Variants in BAZ2B observed in about 807,000 individuals in gnomAD.
BAZ2B encodes the protein bromodomain adjacent to zinc finger domain protein 2B.
Under a neutral mutation model 246.0 loss-of-function variants are expected in BAZ2B, and 91 were observed. That is an observed-to-expected ratio of 0.37 (90% confidence interval 0.31 to 0.44). The LOEUF (loss-of-function observed/expected upper bound fraction) is 0.44. BAZ2B is among the 20% of genes least tolerant of loss of function. BAZ2B has a pLI of 1.00. For missense variants in BAZ2B, 2,332 were observed against 2,533.7 expected, an observed-to-expected ratio of 0.92 and a Z score of 1.71; for synonymous variants, 855 against 860.0, an observed-to-expected ratio of 0.99 and a Z score of 0.10.
In BAZ2B at chr2:159,350,147, A is replaced by C. The variant is rs1319391229; in HGVS notation, c.4424T>G (p.Val1475Gly). ...CTCTGACTCAGGAGGCATCTTAGCT[A>C]CTTCCAAAAGCTTGCTTAATTTGGA... Reference protein sequence around the residue: ...SFSKLSKLLEVAKMPPESEVM... With the variant: ...SFSKLSKLLEGAKMPPESEVM... The change falls in exon 28 of 37, where the codon GTA becomes GGA. Residue 1475 changes from valine (V) to glycine (G), a missense_variant. Val to Gly is a moderately radical substitution (Grantham distance 109). Coordinates refer to ENST00000392783, the MANE Select transcript of BAZ2B (RefSeq NM_013450.4). 1.2e-6 allele frequency: 2 copies of C among 1,614,066 alleles called. No homozygotes were observed. Among genetic ancestry groups the C allele is most frequent in the Admixed American group, 3.3e-5 (2 of 59,964 alleles).
At chr2:159,582,730 GCT>G (rs1687129748) in intron 1 of BAZ2B, among the ~76,000 whole-genome samples, 3 of 152,102 alleles carry the variant, frequency 2.0e-5, no homozygotes, top group Admixed American at 2.0e-4. Flanking sequence ...AAATCTATTG[GCT>G]CTTTTATAAA....
the BAZ2B span, chr2:159,690,028 G>T: frequency 7.2e-6 from 3 of 417,598 alleles, no homozygotes; most frequent in South Asian, 9.9e-5. Context: ...TGACATGGAA[G>T]TTGGGCAGTT....
chr2:159,509,832 C>T (rs910265442), intron 2 of BAZ2B, among the ~76,000 whole-genome samples: 1 of 151,730 alleles, frequency 6.6e-6, no homozygotes, highest in Non-Finnish European at 1.5e-5. Context: ...GATATGTATA[C>T]ACAAATATAT....
intron 1 of BAZ2B, among the ~76,000 whole-genome samples, chr2:159,587,753 T>A (rs1343872518): frequency 6.6e-6 from 1 of 152,180 alleles, no homozygotes; most frequent in Admixed American, 6.5e-5. Flanking sequence ...ATGACTGTTT[T>A]CCCCTACTAG....
chr2:159,437,390 G>A (rs2072560599), intron 8 of BAZ2B: 3 of 142,748 alleles, frequency 2.1e-5, no homozygotes, highest in Non-Finnish European at 3.2e-5. Context: ...AATGACAAAG[G>A]AAAATTTTTT....
chr2:159,373,525 T>C (rs1473155379), intron 26 of BAZ2B, among the ~76,000 whole-genome samples: 1 of 152,170 alleles, frequency 6.6e-6, no homozygotes, highest in Non-Finnish European at 1.5e-5. Flanking sequence ...GCTTACAGTA[T>C]ATAACAAATA....
rs571990727 is a variant in BAZ2B at position 159,395,901 on chromosome 2, AAAC to A, written c.3010-70_3010-68del. The A allele has an allele frequency of 1.9e-4, 254 of 1,328,930 alleles. 3 individuals are homozygous for A. In the South Asian group the frequency reaches 3.3e-3, roughly 17 times the overall value. 82.3% of individuals were successfully genotyped at this position (1,328,930 alleles called of 1,614,324 possible). On this transcript the variant is annotated intron_variant, in intron 19 of 36. Coordinates refer to ENST00000392783, the MANE Select transcript of BAZ2B (RefSeq NM_013450.4). ...TTAACAGTTTGATTTTCCAATGAAAAAACAAAAACAAAAACAAAACAAAAACTC... is the reference window on the plus strand; with the variant it reads ...TTAACAGTTTGATTTTCCAATGAAAAAAAAACAAAAACAAAACAAAAACTC...
chr2:159,429,126 G>A (rs967384081), intron 11 of BAZ2B, 74 bp downstream of exon 11: 15 of 988,666 alleles, frequency 1.5e-5, no homozygotes, highest in Admixed American at 1.2e-4. Context: ...TGTAGAGAAT[G>A]AGAAATCAAG....
At chr2:159,708,203 A>G in the BAZ2B span, among the ~76,000 whole-genome samples, 1 of 151,940 alleles carries the variant, frequency 6.6e-6, no homozygotes, top group Non-Finnish European at 1.5e-5. Flanking sequence ...CTGAGGCAGG[A>G]GGACAGCTTT....
At chr2:159,526,249 A>C (rs2084717229) in intron 2 of BAZ2B, among the ~76,000 whole-genome samples, 1 of 152,186 alleles carries the variant, frequency 6.6e-6, no homozygotes, top group Non-Finnish European at 1.5e-5. Flanking sequence ...AAAGTAGAGC[A>C]GAAATCTTTT....
intron 27 of BAZ2B, among the ~76,000 whole-genome samples, chr2:159,370,745 T>C (rs1176328242): frequency 1.3e-5 from 2 of 152,174 alleles, no homozygotes; most frequent in Non-Finnish European, 2.9e-5. Context: ...TTTGACTTAA[T>C]TTCATTTCAA....
intron 5 of BAZ2B, among the ~76,000 whole-genome samples, chr2:159,448,027 G>A (rs1024820398): frequency 1.3e-5 from 2 of 152,096 alleles, no homozygotes. Context: ...GGGAGGCTGA[G>A]GCAGGAGGAT....
At chr2:159,338,007 T>G (rs958366298) in intron 31 of BAZ2B, among the ~76,000 whole-genome samples, 2 of 152,224 alleles carry the variant, frequency 1.3e-5, no homozygotes, top group African/African-American at 4.8e-5. Context: ...ATAAAAGGTA[T>G]AAGAACAATC....
At chr2:159,581,413 C>T (rs530607166) in intron 1 of BAZ2B, among the ~76,000 whole-genome samples, 90 of 152,238 alleles carry the variant, frequency 5.9e-4, no homozygotes, top group Non-Finnish European at 1.1e-3. Flanking sequence ...ATTAAAAAGT[C>T]AGGAAACAAC....
At chr2:159,540,771 A>G (rs2086567854) in intron 2 of BAZ2B, among the ~76,000 whole-genome samples, 1 of 152,222 alleles carries the variant, frequency 6.6e-6, no homozygotes, top group South Asian at 2.1e-4. Flanking sequence ...GTATATAAGT[A>G]CCTTCATTGT....
At chr2:159,528,964 G>T (rs926530125) in intron 2 of BAZ2B, among the ~76,000 whole-genome samples, 1 of 140,634 alleles carries the variant, frequency 7.1e-6, no homozygotes, top group Non-Finnish European at 1.5e-5. Flanking sequence ...CCTGTTGTGG[G>T]GGGGTGGGGG....
intron 16 of BAZ2B, 131 bp downstream of exon 16, chr2:159,404,718 A>T (rs2065626727): frequency 1.3e-6 from 1 of 782,172 alleles, no homozygotes; most frequent in African/African-American, 1.8e-5. Context: ...AGAAGATAGC[A>T]ACTTTCTAAA....
intron 14 of BAZ2B, among the ~76,000 whole-genome samples, chr2:159,411,391 T>C (rs2066812415): frequency 6.6e-6 from 1 of 152,232 alleles, no homozygotes; most frequent in South Asian, 2.1e-4. Flanking sequence ...GTCTATATTA[T>C]GATGGTGTTT....
downstream of BAZ2B, among the ~76,000 whole-genome samples, chr2:159,317,170 G>A (rs554036364): frequency 5.3e-5 from 8 of 152,246 alleles, no homozygotes; most frequent in African/African-American, 1.7e-4. Flanking sequence ...GTACAATTAG[G>A]AATAAATGTC....
Sources: gnomAD v4.1 joint callset for allele counts (sites outside exome capture counted in the v4.1 genomes callset) on GRCh38, gnomAD v4.1.1 for gene constraint, MANE v1.5 for transcripts, NCBI Gene and HGNC (gene_info 2026-07-23, HGNC 2026-07-21) for gene names.